Variants in COLEC10 observed in about 807,000 individuals in gnomAD.
COLEC10 encodes collectin subfamily member 10.
Under a neutral mutation model 28.4 loss-of-function variants are expected in COLEC10, and 22 were observed. The observed-to-expected ratio is 0.78, with a 90% confidence interval of 0.55 to 1.11. The LOEUF (loss-of-function observed/expected upper bound fraction) is 1.11, where lower values mean the gene tolerates loss of function less well. Among genes scored for constraint, COLEC10 ranks in the 50% least tolerant of loss-of-function variants. The probability of loss-of-function intolerance (pLI) is 0.00; values close to 1 mark genes in which losing one functional copy is unlikely to be tolerated. For synonymous variants in COLEC10, 125 were observed against 116.1 expected (o/e 1.08, Z -0.49); for missense variants, 361 against 344.1 (o/e 1.05, Z -0.39).
intron 2 of COLEC10, among the ~76,000 whole-genome samples, chr8:119,045,756 T>C (rs2130164961): frequency 6.6e-6 from 1 of 152,350 alleles, no homozygotes; most frequent in East Asian, 1.9e-4. Context: ...TTTTTCTCCC[T>C]CATTTGATGA....
chr8:119,090,093 T>A (rs1214959402), intron 2 of COLEC10, among the ~76,000 whole-genome samples: 1 of 125,318 alleles, frequency 8.0e-6, no homozygotes, highest in Non-Finnish European at 1.6e-5. Context: ...AAGCAGCATT[T>A]TTTTTTTAAG....
At chr8:118,956,804 G>A in the COLEC10 span, among the ~76,000 whole-genome samples, 2 of 152,120 alleles carry the variant, frequency 1.3e-5, no homozygotes, top group African/African-American at 4.8e-5. Context: ...CCACTTCCCT[G>A]ATGCCCATGT....
upstream of COLEC10, chr8:119,067,135 A>AG (rs565370715): frequency 6.0e-5 from 42 of 702,480 alleles, no homozygotes; most frequent in East Asian, 9.5e-4. Context: ...TAAACAACCT[A>AG]GGGTATGCTT....
chr8:119,041,953 T>TG (rs1330045562), intron 2 of COLEC10, among the ~76,000 whole-genome samples: 1 of 152,044 alleles, frequency 6.6e-6, no homozygotes, highest in Admixed American at 6.5e-5. Flanking sequence ...AGATATAGAT[T>TG]GGGATATGAA....
At chr8:119,014,311 C>G (rs1440132918) in intron 2 of COLEC10, among the ~76,000 whole-genome samples, 1 of 149,552 alleles carries the variant, frequency 6.7e-6, no homozygotes, top group African/African-American at 2.5e-5. Context: ...TTTATTTCTC[C>G]TTCACTTTTG....
rs975416918 is a variant in COLEC10 at position 119,057,770 on chromosome 8, T to G, written n.236-31910T>G. 2.0e-5 allele frequency among the ~76,000 whole-genome samples: 3 copies of G among 152,076 alleles called. No individual in the cohort carries two copies. The East Asian group carries it at 5.8e-4, about 29-fold the overall frequency. On this transcript the variant is annotated intron_variant and non_coding_transcript_variant, in intron 2 of 6. Transcript: ENST00000521788. ...TGCCTATACAATTATTCATTCTAATTCATCCAATATTATTCCAGACATTGT... is the reference window on the plus strand; with the variant it reads ...TGCCTATACAATTATTCATTCTAATGCATCCAATATTATTCCAGACATTGT...
At chr8:118,976,174 C>G in the COLEC10 span, among the ~76,000 whole-genome samples, 31 of 151,948 alleles carry the variant, frequency 2.0e-4, no homozygotes, top group Admixed American at 7.9e-4. Flanking sequence ...GCTACTTATC[C>G]TCTTTTATTT....
intron 3 of COLEC10, among the ~76,000 whole-genome samples, chr8:119,096,305 C>T (rs1378920085): frequency 6.6e-6 from 1 of 152,182 alleles, no homozygotes; most frequent in East Asian, 1.9e-4. Flanking sequence ...AAATAAAGAA[C>T]TTCTGGCCAG....
chr8:118,987,272 T>C, the COLEC10 span, among the ~76,000 whole-genome samples: 3 of 152,136 alleles, frequency 2.0e-5, no homozygotes, highest in Non-Finnish European at 2.9e-5. Flanking sequence ...GCAAGAATGA[T>C]TGATAACCAG....
At chr8:119,056,522 G>T (rs556600292) in intron 2 of COLEC10, among the ~76,000 whole-genome samples, 9 of 151,994 alleles carry the variant, frequency 5.9e-5, no homozygotes, top group Non-Finnish European at 7.4e-5. Context: ...AAGGAGAAAA[G>T]CTCCATGCAA....
intron 2 of COLEC10, among the ~76,000 whole-genome samples, chr8:119,053,997 A>C (rs544990034): frequency 7.9e-5 from 12 of 152,236 alleles, no homozygotes; most frequent in Admixed American, 3.3e-4. Flanking sequence ...ACAACATGTC[A>C]GCATCACTAT....
At chr8:119,053,618 C>T (rs952262877) in intron 2 of COLEC10, among the ~76,000 whole-genome samples, 37 of 151,914 alleles carry the variant, frequency 2.4e-4, no homozygotes, top group African/African-American at 8.0e-4. Flanking sequence ...CTTCTAAAGT[C>T]CATTCTCCAT....
chr8:118,958,861 A>G, the COLEC10 span, among the ~76,000 whole-genome samples: 2 of 152,370 alleles, frequency 1.3e-5, no homozygotes, highest in Admixed American at 1.3e-4. Context: ...CTAGTGCATC[A>G]TTATACTAAC....
At chr8:118,971,895 G>A in the COLEC10 span, among the ~76,000 whole-genome samples, 121 of 152,078 alleles carry the variant, frequency 8.0e-4, 1 homozygote, top group African/African-American at 2.9e-3. Context: ...AGAATCAGCA[G>A]CATTGTATCG....
chr8:119,025,575 T>A (rs1347332034), intron 2 of COLEC10, among the ~76,000 whole-genome samples: 1 of 152,114 alleles, frequency 6.6e-6, no homozygotes, highest in Non-Finnish European at 1.5e-5. Context: ...AAATTTTCAG[T>A]GTGGACACCA....
intron 3 of COLEC10, 111 bp from the exon 4 acceptor site, chr8:119,102,228 CTCCCTCCCT>C: frequency 6.9e-6 from 2 of 291,616 alleles, no homozygotes; most frequent in Non-Finnish European, 1.3e-5. Context: ...CCCTCCCTCC[CTCCCTCCCT>C]CCCTCCTTCC....
intron 2 of COLEC10, among the ~76,000 whole-genome samples, chr8:119,060,704 G>T (rs567666946): frequency 6.3e-4 from 96 of 152,254 alleles, no homozygotes; most frequent in African/African-American, 2.3e-3. Flanking sequence ...AAGCAGAGAT[G>T]CAGGTAATGA....
chr8:119,040,123 A>G (rs1451160862), intron 2 of COLEC10, among the ~76,000 whole-genome samples: 2 of 152,164 alleles, frequency 1.3e-5, no homozygotes, highest in African/African-American at 4.8e-5. Flanking sequence ...CTCTAGCCCA[A>G]TTAGTACAGA....
chr8:119,003,821 A>C (rs4354338), intron 1 of COLEC10, among the ~76,000 whole-genome samples: 98,004 of 151,914 alleles, frequency 0.65, 32,657 homozygotes, highest in African/African-American at 0.81. Flanking sequence ...ATGGAAAAGT[A>C]TAATATTTGC....
Sources: allele counts gnomAD v4.1 joint callset (sites outside exome capture counted in the v4.1 genomes callset), GRCh38; gene constraint gnomAD v4.1.1; transcripts MANE v1.5; gene names NCBI Gene and HGNC (gene_info 2026-07-23, HGNC 2026-07-21).